Variants in DIP2C observed in about 807,000 individuals in gnomAD.
DIP2C encodes the protein disco-interacting protein 2 homolog C.
A neutral mutation model predicts 192.4 loss-of-function variants in DIP2C; 33 were observed. The ratio of observed to expected loss-of-function variants is 0.17; its 90% CI spans 0.13 to 0.23. The LOEUF is 0.23. DIP2C is among the 10% of genes least tolerant of loss of function. The pLI is 1.00. For synonymous variants in DIP2C, 979 were observed against 864.1 expected (o/e 1.13, Z -2.33); for missense variants, 1,537 against 2,110.1 (o/e 0.73, Z 5.32).
At chr10:327,539 G>A (rs906864002) in intron 30 of DIP2C, among the ~76,000 whole-genome samples, 2 of 152,174 alleles carry the variant, frequency 1.3e-5, no homozygotes, top group Admixed American at 6.5e-5. Flanking sequence ...GGATGTACCA[G>A]AACACACACT....
chr10:642,700 C>A lies in DIP2C; in HGVS notation c.85+46794G>T, dbSNP rs372303762. Among the ~76,000 whole-genome samples, 211 of 152,370 alleles carry A rather than the reference C, an allele frequency of 1.4e-3. 1 individual carries two copies. Among genetic ancestry groups the A allele is most frequent in the African/African-American group, 4.6e-3 (193 of 41,584 alleles). ...GGCCATCGCACACGGGTGCCCTCAC[C>A]GGCACCGGGGTCTCACAGACCAGCT... On this transcript the variant is annotated intron_variant, in intron 1 of 36. Transcript: ENST00000280886.
chr10:606,778 A>T (rs1852518043), intron 1 of DIP2C, among the ~76,000 whole-genome samples: 1 of 152,172 alleles, frequency 6.6e-6, no homozygotes, highest in Non-Finnish European at 1.5e-5. Context: ...ACCTCAAAAC[A>T]AGACCCAACC....
At chr10:389,052 GCCATC>G (rs1963235081) in intron 13 of DIP2C, among the ~76,000 whole-genome samples, 1 of 148,288 alleles carries the variant, frequency 6.7e-6, no homozygotes, top group South Asian at 2.2e-4. Flanking sequence ...GGGGCCTCGG[GCCATC>G]CCAAGGGATC....
intron 1 of DIP2C, among the ~76,000 whole-genome samples, chr10:487,410 G>A (rs887924728): frequency 6.6e-6 from 1 of 151,922 alleles, no homozygotes; most frequent in Admixed American, 6.6e-5. Context: ...AGTGAAAGGC[G>A]GGCAGTCTCG....
chr10:396,251 T>C (rs994369776), intron 10 of DIP2C, among the ~76,000 whole-genome samples: 1 of 152,228 alleles, frequency 6.6e-6, no homozygotes, highest in African/African-American at 2.4e-5. Flanking sequence ...CTGAAATAAA[T>C]GCCACCTTGG....
intron 1 of DIP2C, among the ~76,000 whole-genome samples, chr10:619,537 G>GCCCTCCCTCCCTCCCTCCCT (rs528029497): frequency 1.4e-4 from 7 of 51,386 alleles, no homozygotes; most frequent in African/African-American, 3.6e-4. Context: ...AAGCCCGCCC[G>GCCCTCCCTCCCTCCCTCCCT]CCCGCCCTCC....
intron 29 of DIP2C, among the ~76,000 whole-genome samples, chr10:338,182 T>C (rs1233052092): frequency 6.6e-6 from 1 of 152,264 alleles, no homozygotes; most frequent in Non-Finnish European, 1.5e-5. Flanking sequence ...GAGTCAAAAA[T>C]GTTACAAATT....
intron 24 of DIP2C, among the ~76,000 whole-genome samples, chr10:351,869 C>A (rs1958829121): frequency 6.6e-6 from 1 of 152,216 alleles, no homozygotes; most frequent in Admixed American, 6.5e-5. Context: ...GACAGAGACA[C>A]CCAGCACGGC....
chr10:318,050 AGTAGAC>A (rs1956851646), intron 31 of DIP2C, among the ~76,000 whole-genome samples: 1 of 152,076 alleles, frequency 6.6e-6, no homozygotes, highest in Admixed American at 6.5e-5. Context: ...CAAGTGCCTG[AGTAGAC>A]GTAAAAGCAG....
At chr10:359,769 G>GTCTTCTGAATGAAGCA (rs1959224910) in intron 22 of DIP2C, among the ~76,000 whole-genome samples, 1 of 152,114 alleles carries the variant, frequency 6.6e-6, no homozygotes, top group Non-Finnish European at 1.5e-5. Context: ...AGATAGAAGC[G>GTCTTCTGAATGAAGCA]TCTTCTGAAT....
At chr10:546,790 C>CAA (rs34489749) in intron 1 of DIP2C, among the ~76,000 whole-genome samples, 3 of 150,198 alleles carry the variant, frequency 2.0e-5, no homozygotes, top group African/African-American at 7.3e-5. Context: ...TTCATTATGT[C>CAA]AAAAAAAAAA....
chr10:641,396 C>T (rs994679853), intron 1 of DIP2C, among the ~76,000 whole-genome samples: 23 of 152,296 alleles, frequency 1.5e-4, no homozygotes, highest in South Asian at 6.2e-4. Context: ...TCTCTGCTCC[C>T]GAGGCTACAT....
At chr10:617,696 C>G (rs1024811167) in intron 1 of DIP2C, among the ~76,000 whole-genome samples, 2 of 138,484 alleles carry the variant, frequency 1.4e-5, no homozygotes, top group African/African-American at 2.7e-5. Flanking sequence ...CTTCCACTTG[C>G]GGTTCCGAAG....
rs776255084 is a variant in DIP2C at position 277,403 on chromosome 10, C to A, written c.4593G>T (p.Gly1531=). The A allele has an allele frequency of 6.2e-7, 1 of 1,614,168 alleles. No individual in the cohort carries two copies. Among genetic ancestry groups the A allele is most frequent in the Admixed American group, 1.7e-5 (1 of 60,026 alleles). Residue 1531 remains glycine (G), a synonymous_variant, in exon 37 of 37, where the codon GGG becomes GGT. Coordinates refer to ENST00000280886, the MANE Select transcript of DIP2C (RefSeq NM_014974.3). ...DIGVIPINSR[G]EKQRMHLRDG... ...CTCGCAGGTGCATGCGCTGCTTCTC[C>A]CCACGGGAGTTGATGGGGATGACGC...
rs1304484678 is a variant in DIP2C at position 603,926 on chromosome 10, C to A, written c.85+85568G>T. On this transcript the variant is annotated intron_variant, in intron 1 of 36. Transcript: ENST00000280886. ...CCACTGCCCCAGCCTCAGCCCCACA[C>A]CCCTCCGGCCCGGCACCCCTCCAAC... is the stretch of plus-strand genomic sequence containing the variant. 7.3e-5 allele frequency among the ~76,000 whole-genome samples: 11 copies of A among 150,148 alleles called. No homozygotes were observed. In the South Asian group the frequency reaches 2.3e-3, roughly 32 times the overall value.
intron 3 of DIP2C, chr10:441,316 CT>C (rs1221982139): frequency 3.5e-6 from 1 of 285,240 alleles, no homozygotes; most frequent in Non-Finnish European, 6.7e-6. Flanking sequence ...ACGTTCGAGC[CT>C]CCAAATCCTT....
chr10:482,592 T>C (rs1843684894), intron 2 of DIP2C, among the ~76,000 whole-genome samples: 1 of 152,206 alleles, frequency 6.6e-6, no homozygotes, highest in Non-Finnish European at 1.5e-5. Context: ...CAGATCTTCA[T>C]AAATCACTCA....
At chr10:418,947 T>C (rs1048871444) in intron 6 of DIP2C, 118 bp downstream of exon 6, 25 of 1,455,894 alleles carry the variant, frequency 1.7e-5, no homozygotes, top group African/African-American at 2.8e-5. Context: ...ATCTGATAAA[T>C]TGGCTTTGTC....
In DIP2C at chr10:436,967, C is replaced by T. The variant is rs553807426; in HGVS notation, c.394+3904G>A. Among the ~76,000 whole-genome samples the T allele has an allele frequency of 2.1e-3, 286 of 133,496 alleles. 3 individuals carry two copies. Among genetic ancestry groups the T allele is most frequent in the Middle Eastern group, 0.018 (3 of 168 alleles). The allele number at this position is 133,496 out of a possible 152,430, so 87.6% of individuals were successfully genotyped here. On this transcript the variant is annotated intron_variant, in intron 4 of 36. Coordinates refer to ENST00000280886, the MANE Select transcript of DIP2C (RefSeq NM_014974.3). ...GCTCCACCCACACCTGAGCTCTCTC[C>T]GAGCTCCGCCTCCTGGATGTGGTAG...
Sources: allele counts gnomAD v4.1 joint callset (sites outside exome capture counted in the v4.1 genomes callset), GRCh38; gene constraint gnomAD v4.1.1; transcripts MANE v1.5; gene names NCBI Gene and HGNC (gene_info 2026-07-23, HGNC 2026-07-21).